Variants in PACRG observed in about 807,000 individuals in gnomAD.
PACRG encodes the protein parkin coregulated gene protein.
PACRG carries 29 observed loss-of-function variants against 29.7 expected under a neutral mutation model. That is an observed-to-expected ratio of 0.98 (90% CI 0.73 to 1.33). PACRG has a LOEUF of 1.33. PACRG is among the 40% of genes most tolerant of loss of function. The pLI is 0.00. For missense variants in PACRG, 279 were observed against 316.2 expected, an observed-to-expected ratio of 0.88 and a Z score of 0.89; for synonymous variants, 116 against 118.7, an observed-to-expected ratio of 0.98 and a Z score of 0.15.
chr6:162,900,675 A>G (rs1795495898), intron 2 of PACRG, among the ~76,000 whole-genome samples: 1 of 151,950 alleles, frequency 6.6e-6, no homozygotes, highest in African/African-American at 2.4e-5. Context: ...TCAGGCTCCA[A>G]ACACACCGGC....
At chr6:163,066,840 C>A (rs569879) in intron 3 of PACRG, among the ~76,000 whole-genome samples, 75,049 of 152,052 alleles carry the variant, frequency 0.49, 21,246 homozygotes, top group East Asian at 0.96. Context: ...AAGCAGAAGT[C>A]GTGATTTTAA....
intron 2 of PACRG, among the ~76,000 whole-genome samples, chr6:162,870,991 T>C (rs968070675): frequency 2.0e-5 from 3 of 152,162 alleles, no homozygotes; most frequent in Admixed American, 6.5e-5. Flanking sequence ...TGTGGTATCA[T>C]AGAATGTTAA....
intron 2 of PACRG, among the ~76,000 whole-genome samples, chr6:162,925,366 G>C (rs1797358553): frequency 6.6e-6 from 1 of 152,156 alleles, no homozygotes; most frequent in South Asian, 2.1e-4. Flanking sequence ...AACAAAAAAA[G>C]AAAACTTCAG....
At chr6:163,114,832 G>A (rs1815895141) in intron 4 of PACRG, among the ~76,000 whole-genome samples, 1 of 149,118 alleles carries the variant, frequency 6.7e-6, no homozygotes, top group Non-Finnish European at 1.5e-5. Flanking sequence ...GAAATTTCCT[G>A]AGAGTAGATA....
rs116042740 is a variant in PACRG, at chr6:162,785,275, T to C, written c.157-28872T>C. On this transcript the variant is annotated intron_variant, in intron 1 of 4. Coordinates refer to ENST00000366888, the MANE Select transcript of PACRG (RefSeq NM_001080379.2). The stretch of plus-strand genomic sequence containing the variant: ...AATTTGAGAAGGAAATCAATTTAGG[T>C]GTGGTTATTAGGACATAAAACTGCA... 3.8e-3 allele frequency among the ~76,000 whole-genome samples: 573 copies of C among 151,984 alleles called. 4 individuals carry two copies. Among genetic ancestry groups the C allele is most frequent in the African/African-American group, 0.013 (556 of 41,462 alleles).
At chr6:162,796,388 T>A (rs1382005557) in intron 1 of PACRG, among the ~76,000 whole-genome samples, 1 of 152,158 alleles carries the variant, frequency 6.6e-6, no homozygotes, top group African/African-American at 2.4e-5. Context: ...TATTTTGTAA[T>A]GTTTTCTATT....
At chr6:163,247,576 C>T (rs1159390116) in intron 4 of PACRG, among the ~76,000 whole-genome samples, 1 of 152,042 alleles carries the variant, frequency 6.6e-6, no homozygotes, top group African/African-American at 2.4e-5. Context: ...TTCCTTTGAC[C>T]ACAGTTTGAT....
At position 162,767,093 on chromosome 6, in the gene PACRG, A is replaced by G. The variant is rs151146697; in HGVS notation, c.156+38702A>G. Among the ~76,000 whole-genome samples, 38 of 152,256 alleles carry G rather than the reference A, an allele frequency of 2.5e-4. No individual in the cohort carries two copies. The East Asian group carries it at 6.7e-3, about 27-fold the overall frequency. On this transcript the variant is annotated intron_variant, in intron 1 of 4. Transcript: ENST00000366888. ...ATTGTGAAGACATACTTTATGGTGT[A>G]ATACATGATACAGTTTTATAAGGTT...
intron 4 of PACRG, among the ~76,000 whole-genome samples, chr6:163,248,155 A>G (rs979090025): frequency 6.6e-6 from 1 of 152,230 alleles, no homozygotes; most frequent in East Asian, 1.9e-4. Flanking sequence ...AGAGACACAC[A>G]GTGCCAGGCG....
chr6:162,933,451 C>T (rs1797999193), intron 2 of PACRG, among the ~76,000 whole-genome samples: 1 of 151,820 alleles, frequency 6.6e-6, no homozygotes, highest in South Asian at 2.1e-4. Flanking sequence ...AAGTCCCCAG[C>T]TTTTATTGTA....
At chr6:163,241,097 G>A (rs1782489519) in intron 4 of PACRG, among the ~76,000 whole-genome samples, 1 of 152,048 alleles carries the variant, frequency 6.6e-6, no homozygotes, top group Admixed American at 6.5e-5. Context: ...ATTGGTATTT[G>A]ATATTTTTCG....
chr6:163,201,100 A>G (rs375101806), intron 4 of PACRG, among the ~76,000 whole-genome samples: 39 of 152,316 alleles, frequency 2.6e-4, no homozygotes, highest in African/African-American at 8.4e-4. Context: ...TTAACTTGTA[A>G]TGTGTCAAAC....
chr6:162,918,456 G>A (rs1332007559), intron 2 of PACRG, among the ~76,000 whole-genome samples: 1 of 152,096 alleles, frequency 6.6e-6, no homozygotes, highest in Non-Finnish European at 1.5e-5. Flanking sequence ...GCAATTGCTG[G>A]CAGTCAGGAA....
intron 2 of PACRG, among the ~76,000 whole-genome samples, chr6:163,011,743 T>C (rs1805636563): frequency 1.3e-5 from 2 of 152,240 alleles, no homozygotes; most frequent in Admixed American, 1.3e-4. Context: ...TATACAGCTG[T>C]ACAAAATATT....
intron 2 of PACRG, among the ~76,000 whole-genome samples, chr6:162,930,246 T>C (rs1292545570): frequency 1.3e-5 from 2 of 151,986 alleles, no homozygotes; most frequent in African/African-American, 4.8e-5. Flanking sequence ...TTTTTATTTT[T>C]TTCTGGTCTC....
chr6:163,200,934 TCAGGCCCCAGGCCC>T (rs537460008), intron 4 of PACRG, among the ~76,000 whole-genome samples: 1 of 152,100 alleles, frequency 6.6e-6, no homozygotes, highest in Non-Finnish European at 1.5e-5. Context: ...CTGGGCCGGA[TCAGGCCCCAGGCCC>T]CAGGCCCCAG....
At position 163,209,922 on chromosome 6, in the gene PACRG, C is replaced by A. The variant is rs1038419396; in HGVS notation, c.614-104905C>A. Among the ~76,000 whole-genome samples the A allele has an allele frequency of 7.9e-5, 12 of 152,252 alleles. 1 individual carries two copies. The highest frequency in any genetic ancestry group is 2.6e-4 in the African/African-American group (11 of 41,556). ...AGACAGTCAATTGAAATCAACCCTC[C>A]ATTGCACAGTAAGAGTATATGTGTG... On this transcript the variant is annotated intron_variant, in intron 4 of 4. Transcript: ENST00000366888.
chr6:162,774,516 T>G (rs552339888), intron 1 of PACRG, among the ~76,000 whole-genome samples: 1 of 152,344 alleles, frequency 6.6e-6, no homozygotes, highest in South Asian at 2.1e-4. Flanking sequence ...GTTGGGAATT[T>G]TTTGCATGTG....
intron 4 of PACRG, among the ~76,000 whole-genome samples, chr6:163,114,040 A>G (rs150361596): frequency 1.3e-5 from 2 of 152,364 alleles, no homozygotes; most frequent in East Asian, 3.9e-4. Context: ...ATTTGAGGCC[A>G]GGAGTTTGAG....
Sources: allele counts gnomAD v4.1 joint callset (sites outside exome capture counted in the v4.1 genomes callset), GRCh38; gene constraint gnomAD v4.1.1; transcripts MANE v1.5; gene names NCBI Gene and HGNC (gene_info 2026-07-23, HGNC 2026-07-21).